SOX5: variants seen among roughly 807,000 people sequenced by gnomAD.
SOX5 encodes the protein transcription factor SOX-5.
SOX5 carries 9 observed loss-of-function variants against 92.0 expected under a neutral mutation model. The observed-to-expected ratio is 0.10, with a 90% confidence interval of 0.06 to 0.17. SOX5 has a LOEUF of 0.17. SOX5 is among the 10% of genes least tolerant of loss of function. The probability of loss-of-function intolerance (pLI) is 1.00; values close to 1 mark genes in which losing one functional copy is unlikely to be tolerated. For synonymous variants in SOX5, 344 were observed against 336.3 expected, an observed-to-expected ratio of 1.02 and a Z score of -0.25; for missense variants, 642 against 944.5, an observed-to-expected ratio of 0.68 and a Z score of 4.20.
chr12:24,455,205 T>C (rs1417018921), intron 1 of SOX5, among the ~76,000 whole-genome samples: 1 of 152,196 alleles, frequency 6.6e-6, no homozygotes, highest in Non-Finnish European at 1.5e-5. Flanking sequence ...GAGAAACACA[T>C]AGTCCTCAAA....
intron 4 of SOX5, among the ~76,000 whole-genome samples, chr12:24,078,896 TTTA>T (rs1251564565): frequency 6.6e-6 from 1 of 152,058 alleles, no homozygotes; most frequent in Non-Finnish European, 1.5e-5. Context: ...GAAAGAATGT[TTTA>T]TTGTCATTAT....
chr12:23,741,352 C>T (rs2093790581), intron 4 of SOX5, among the ~76,000 whole-genome samples: 1 of 151,928 alleles, frequency 6.6e-6, no homozygotes, highest in Admixed American at 6.6e-5. Flanking sequence ...TTTTTTTTAA[C>T]TTTTACTTTA....
chr12:24,136,602 G>A (rs1950131185), intron 4 of SOX5, among the ~76,000 whole-genome samples: 1 of 152,172 alleles, frequency 6.6e-6, no homozygotes, highest in South Asian at 2.1e-4. Flanking sequence ...ATTGTTTAAG[G>A]GGGCTTCAGA....
At chr12:24,080,787 G>A (rs1406496985) in intron 4 of SOX5, among the ~76,000 whole-genome samples, 1 of 151,896 alleles carries the variant, frequency 6.6e-6, no homozygotes, top group Non-Finnish European at 1.5e-5. Context: ...ACAAATATTT[G>A]ATAAGCAAAG....
chr12:23,577,629 TTGTC>T (rs999468618), intron 9 of SOX5, among the ~76,000 whole-genome samples: 1 of 143,156 alleles, frequency 7.0e-6, no homozygotes, highest in African/African-American at 2.5e-5. Flanking sequence ...TCAGTTTATA[TTGTC>T]TGTTTCAGAA....
chr12:24,154,745 T>C (rs1220990160), intron 4 of SOX5, among the ~76,000 whole-genome samples: 1 of 152,106 alleles, frequency 6.6e-6, no homozygotes, highest in Non-Finnish European at 1.5e-5. Context: ...TTTAAAGTGG[T>C]GAAGTAAAGA....
rs1319372767 is a variant in SOX5 at position 23,692,257 on chromosome 12, A to T, written c.811-26693T>A. Among the ~76,000 whole-genome samples, 6 of 151,526 alleles carry T rather than the reference A, an allele frequency of 4.0e-5. No individual in the cohort carries two copies. In the East Asian group the frequency reaches 1.2e-3, roughly 30 times the overall value. On this transcript the variant is annotated intron_variant, in intron 6 of 14. Coordinates refer to ENST00000451604, the MANE Select transcript of SOX5 (RefSeq NM_006940.6). Reference sequence around the variant, plus strand: ...AGACCAGCACGGCCAACATAGTGAGACTCCATCTCTAATAAAAATTAAAAA... The same window carrying T: ...AGACCAGCACGGCCAACATAGTGAGTCTCCATCTCTAATAAAAATTAAAAA...
At chr12:23,749,738 A>G (rs1167428826) in intron 4 of SOX5, among the ~76,000 whole-genome samples, 1 of 151,938 alleles carries the variant, frequency 6.6e-6, no homozygotes, top group African/African-American at 2.4e-5. Flanking sequence ...AAACTATTCC[A>G]TCTACTTACT....
intron 4 of SOX5, among the ~76,000 whole-genome samples, chr12:24,054,126 TA>T (rs1375645487): frequency 5.3e-5 from 8 of 152,238 alleles, no homozygotes; most frequent in African/African-American, 1.7e-4. Context: ...TGACTCCAGC[TA>T]GGGAATTTGT....
At chr12:24,426,805 T>C (rs1262193437) in intron 1 of SOX5, among the ~76,000 whole-genome samples, 2 of 152,188 alleles carry the variant, frequency 1.3e-5, no homozygotes, top group East Asian at 3.8e-4. Context: ...GAATCTTCTC[T>C]ATGGGCATAT....
intron 4 of SOX5, chr12:24,212,627 G>A (rs1233722823): frequency 2.7e-6 from 1 of 373,632 alleles, no homozygotes; most frequent in Non-Finnish European, 5.3e-6. Flanking sequence ...ACCCAGGAAT[G>A]AACACACAGC....
intron 1 of SOX5, among the ~76,000 whole-genome samples, chr12:24,417,135 G>A (rs532054117): frequency 1.3e-5 from 2 of 152,290 alleles, no homozygotes; most frequent in East Asian, 1.9e-4. Flanking sequence ...GCCCATTTGT[G>A]TAGAGATTCT....
At chr12:23,791,217 A>G (rs772328720) in intron 3 of SOX5, among the ~76,000 whole-genome samples, 2 of 152,212 alleles carry the variant, frequency 1.3e-5, no homozygotes. Context: ...ACTATGGAGT[A>G]ATCATAATTA....
chr12:23,770,791 A>C (rs201583778), intron 3 of SOX5, among the ~76,000 whole-genome samples: 1 of 152,196 alleles, frequency 6.6e-6, no homozygotes, highest in East Asian at 1.9e-4. Flanking sequence ...CATGCAGTTA[A>C]ATCAAAATCT....
At chr12:23,572,753 T>A (rs1948568704) in intron 10 of SOX5, among the ~76,000 whole-genome samples, 2 of 152,190 alleles carry the variant, frequency 1.3e-5, no homozygotes, top group Admixed American at 6.5e-5. Flanking sequence ...ACATAGTACA[T>A]GAAAGTAAAT....
chr12:23,857,891 C>T (rs964838324), intron 2 of SOX5, among the ~76,000 whole-genome samples: 2 of 152,086 alleles, frequency 1.3e-5, no homozygotes, highest in African/African-American at 2.4e-5. Context: ...TGCCACCACA[C>T]TTGGCTAATT....
chr12:24,188,762 C>A lies in SOX5; in HGVS notation c.-2+24581G>T, dbSNP rs1394794449. 2.0e-5 allele frequency among the ~76,000 whole-genome samples: 3 copies of A among 152,016 alleles called. No individual in the cohort carries two copies. The East Asian group carries it at 5.8e-4, about 29-fold the overall frequency. On this transcript the variant is annotated intron_variant, in intron 4 of 4. Transcript: ENST00000446891. ...ATTTCTGAGCAGGGAGGTAACAAGA[C>A]CAGAGCTGTGATTTAGGAAGATTAA...
intron 11 of SOX5, among the ~76,000 whole-genome samples, chr12:23,549,845 G>C (rs543184724): frequency 6.6e-5 from 10 of 152,018 alleles, no homozygotes; most frequent in Admixed American, 2.6e-4. Flanking sequence ...TTTAAAAACA[G>C]ACTTGAAAAA....
At chr12:24,435,499 C>T (rs942761998) in intron 1 of SOX5, among the ~76,000 whole-genome samples, 102 of 152,318 alleles carry the variant, frequency 6.7e-4, no homozygotes, top group African/African-American at 2.4e-3. Flanking sequence ...CAAAGGAAAT[C>T]TCTTTCTACT....
Sources: allele counts gnomAD v4.1 joint callset (sites outside exome capture counted in the v4.1 genomes callset), GRCh38; gene constraint gnomAD v4.1.1; transcripts MANE v1.5; gene names NCBI Gene and HGNC (gene_info 2026-07-23, HGNC 2026-07-21).